The following DOCK4 variants were observed in gnomAD, a reference collection of about 807,000 sequenced individuals.
DOCK4 encodes dedicator of cytokinesis 4.
In DOCK4, 97 loss-of-function variants were observed where a neutral mutation model predicts 268.1. The observed-to-expected ratio is 0.36, with a 90% CI of 0.31 to 0.43. DOCK4 has a LOEUF of 0.43. Ranked by LOEUF, DOCK4 falls within the 20% of genes least tolerant of loss-of-function variation. DOCK4 has a pLI of 1.00. For missense variants in DOCK4, 2,145 were observed against 2,455.7 expected, an observed-to-expected ratio of 0.87 and a Z score of 2.67; for synonymous variants, 954 against 887.2, an observed-to-expected ratio of 1.08 and a Z score of -1.34.
At chr7:111,983,862 G>GCGCGCGCGCACA in intron 7 of DOCK4, among the ~76,000 whole-genome samples, 5 of 138,560 alleles carry the variant, frequency 3.6e-5, no homozygotes, top group African/African-American at 1.4e-4. Flanking sequence ...GCGCGCGCGC[G>GCGCGCGCGCACA]CACACACACA....
At chr7:111,755,481 G>A (rs749876798) in intron 42 of DOCK4, 34 bp downstream of exon 42, 1 of 1,601,432 alleles carries the variant, frequency 6.2e-7, no homozygotes, top group South Asian at 1.1e-5. Flanking sequence ...CAACTGTGAT[G>A]AGAAAGTGCT....
chr7:112,046,437 T>A (rs1226184846), intron 1 of DOCK4, among the ~76,000 whole-genome samples: 1 of 152,194 alleles, frequency 6.6e-6, no homozygotes, highest in Non-Finnish European at 1.5e-5. Flanking sequence ...AAAGAAATAC[T>A]TTCCTAAAAA....
At chr7:112,177,590 C>T (rs1239157712) in intron 1 of DOCK4, among the ~76,000 whole-genome samples, 3 of 152,090 alleles carry the variant, frequency 2.0e-5, no homozygotes, top group East Asian at 1.9e-4. Context: ...AGTTCCAATC[C>T]GACAGAGAAA....
intron 30 of DOCK4, among the ~76,000 whole-genome samples, chr7:111,793,123 T>C (rs1162828413): frequency 3.9e-5 from 6 of 152,248 alleles, no homozygotes; most frequent in African/African-American, 1.4e-4. Flanking sequence ...CTCTCTATTA[T>C]ATCCTCAGAG....
chr7:111,958,657 C>T (rs1474944795), intron 8 of DOCK4, among the ~76,000 whole-genome samples: 2 of 152,060 alleles, frequency 1.3e-5, no homozygotes, highest in East Asian at 3.9e-4. Flanking sequence ...GTTCTGAGTT[C>T]ACACTGACTC....
rs182420842 is a variant in DOCK4, at chr7:112,172,734, A to C, written c.37+33368T>G. Among the ~76,000 whole-genome samples the C allele has an allele frequency of 9.4e-4, 143 of 152,372 alleles. 1 individual carries two copies. The highest frequency in any genetic ancestry group is 3.3e-3 in the African/African-American group (138 of 41,582). On this transcript the variant is annotated intron_variant, in intron 1 of 52. Transcript: ENST00000428084. ...ATTATATAATCCTGTTACTGTAAGG[A>C]TATATCAAATACATAAGTAAAAAAT... is the stretch of plus-strand genomic sequence containing the variant.
chr7:112,176,017 A>G (rs926772946), intron 1 of DOCK4, among the ~76,000 whole-genome samples: 1 of 152,234 alleles, frequency 6.6e-6, no homozygotes, highest in Non-Finnish European at 1.5e-5. Flanking sequence ...TGTGGAAAAT[A>G]AAGAATTGGA....
chr7:111,922,071 C>T lies in DOCK4; in HGVS notation c.1067-6167G>A, dbSNP rs538900436. On this transcript the variant is annotated intron_variant, in intron 12 of 52. Transcript: ENST00000428084. ...GACGATAAGTACAATTAGACATATG[C>T]GAAGGCGGTGAAATTCCTAATGACA... 1.4e-4 allele frequency among the ~76,000 whole-genome samples: 21 copies of T among 152,214 alleles called. No individual in the cohort carries two copies. In the South Asian group the frequency reaches 1.9e-3, roughly 14 times the overall value.
intron 1 of DOCK4, among the ~76,000 whole-genome samples, chr7:112,121,358 C>T (rs1237752101): frequency 6.6e-6 from 1 of 152,208 alleles, no homozygotes; most frequent in Non-Finnish European, 1.5e-5. Context: ...AGATTCCCCA[C>T]ATTCCCCTAT....
At chr7:111,938,393 G>C (rs1463854739) in intron 11 of DOCK4, among the ~76,000 whole-genome samples, 1 of 152,100 alleles carries the variant, frequency 6.6e-6, no homozygotes, top group Non-Finnish European at 1.5e-5. Context: ...AAAATCTACT[G>C]GCACATATTA....
chr7:112,061,791 C>T (rs1806432127), intron 1 of DOCK4, among the ~76,000 whole-genome samples: 1 of 137,688 alleles, frequency 7.3e-6, no homozygotes, highest in African/African-American at 2.8e-5. Context: ...ACACGATGTA[C>T]ATGGTTTTAA....
chr7:111,958,017 A>ATC (rs1796572187), intron 8 of DOCK4, among the ~76,000 whole-genome samples: 1 of 152,212 alleles, frequency 6.6e-6, no homozygotes, highest in African/African-American at 2.4e-5. Flanking sequence ...GTGTAACATG[A>ATC]AACAACTCTA....
Position 112,206,213 on chromosome 7 carries a change from C to T in DOCK4, c.-75G>A, listed in dbSNP as rs896746420. 1 of 1,484,876 alleles carries T rather than the reference C, an allele frequency of 6.7e-7. No individual in the cohort carries two copies. The highest frequency in any genetic ancestry group is 1.4e-5 in the African/African-American group (1 of 71,606). 92.0% of individuals were successfully genotyped at this position (1,484,876 alleles called of 1,614,324 possible). ...CTCCGGCTCACAACAATGCACAGTC[C>T]CCGAGCAGCGCTGCAGTGCCGGAGC... On this transcript the variant is annotated 5_prime_UTR_variant, in exon 1 of 53. Coordinates refer to ENST00000428084, the MANE Select transcript of DOCK4 (RefSeq NM_001363540.2).
Position 111,732,250 on chromosome 7 carries a change from C to G in DOCK4, c.5457G>C (p.Ser1819=). ...CCTTCAATGGAGATCGCCCGGCAGG[C>G]GAGGGGGATACTGATGTCGTGTGTC... ...PARHTTSVSP[S]PAGRSPLKGS... The change falls in exon 52 of 53, where the codon TCG becomes TCC. Residue 1819 remains serine (S), a synonymous_variant. Transcript: ENST00000428084. 2 of 1,613,940 alleles carry G rather than the reference C, an allele frequency of 1.2e-6. No individual in the cohort carries two copies. The highest frequency in any genetic ancestry group is 1.6e-4 in the Middle Eastern group (1 of 6,062).
chr7:111,984,746 G>A (rs1798919051), intron 6 of DOCK4, among the ~76,000 whole-genome samples: 1 of 152,192 alleles, frequency 6.6e-6, no homozygotes, highest in Admixed American at 6.5e-5. Flanking sequence ...ACTAGAGCTA[G>A]ACATCATTTG....
intron 25 of DOCK4, among the ~76,000 whole-genome samples, chr7:111,842,891 A>G (rs547454027): frequency 5.3e-5 from 8 of 152,328 alleles, no homozygotes; most frequent in Admixed American, 2.0e-4. Context: ...TCACTGTCTC[A>G]CCATAACATG....
intron 14 of DOCK4, among the ~76,000 whole-genome samples, chr7:111,901,326 C>T (rs1791124292): frequency 1.1e-5 from 1 of 93,560 alleles, no homozygotes; most frequent in Non-Finnish European, 1.9e-5. Flanking sequence ...GAATAAGATT[C>T]TGTCTCAAAA....
At chr7:111,974,353 T>C (rs1477725300) in intron 8 of DOCK4, among the ~76,000 whole-genome samples, 2 of 152,110 alleles carry the variant, frequency 1.3e-5, no homozygotes, top group Non-Finnish European at 2.9e-5. Flanking sequence ...TTCATTTTTT[T>C]GCCAATCACC....
chr7:112,109,744 C>CTT (rs36043991), intron 1 of DOCK4, among the ~76,000 whole-genome samples: 85 of 115,176 alleles, frequency 7.4e-4, no homozygotes, highest in African/African-American at 2.2e-3. Flanking sequence ...GTAAAATCAT[C>CTT]TTTTTTTTTT....
Sources: gnomAD v4.1 joint callset for allele counts (sites outside exome capture counted in the v4.1 genomes callset) on GRCh38, gnomAD v4.1.1 for gene constraint, MANE v1.5 for transcripts, NCBI Gene and HGNC (gene_info 2026-07-23, HGNC 2026-07-21) for gene names.